Variants in DIP2C observed in about 807,000 individuals in gnomAD.
DIP2C encodes disco-interacting protein 2 homolog C.
Under a neutral mutation model 192.4 loss-of-function variants are expected in DIP2C, and 33 were observed. The ratio of observed to expected loss-of-function variants is 0.17; its 90% CI spans 0.13 to 0.23. The LOEUF is 0.23. Ranked by LOEUF, DIP2C falls within the 10% of genes least tolerant of loss-of-function variation. DIP2C has a pLI of 1.00. For synonymous variants in DIP2C, 979 were observed against 864.1 expected (o/e 1.13, Z -2.33); for missense variants, 1,537 against 2,110.1 (o/e 0.73, Z 5.32).
chr10:612,071 G>C (rs766573836), intron 1 of DIP2C, among the ~76,000 whole-genome samples: 1 of 152,090 alleles, frequency 6.6e-6, no homozygotes, highest in Non-Finnish European at 1.5e-5. Flanking sequence ...CAAGGTGAGC[G>C]CATCACCTGA....
At chr10:660,418 G>T (rs1236783438) in intron 1 of DIP2C, among the ~76,000 whole-genome samples, 2 of 151,850 alleles carry the variant, frequency 1.3e-5, no homozygotes, top group Non-Finnish European at 2.9e-5. Flanking sequence ...TTCAAGCTCT[G>T]TGTATGAAAT....
At chr10:314,361 C>T (rs1956686304) in intron 31 of DIP2C, among the ~76,000 whole-genome samples, 1 of 152,182 alleles carries the variant, frequency 6.6e-6, no homozygotes, top group Non-Finnish European at 1.5e-5. Flanking sequence ...TTCTAGCCAC[C>T]CTGGCCTCTT....
intron 1 of DIP2C, among the ~76,000 whole-genome samples, chr10:579,645 A>C (rs1008093707): frequency 2.0e-5 from 3 of 152,110 alleles, no homozygotes; most frequent in African/African-American, 4.8e-5. Context: ...ACATGCATAG[A>C]GCAAACATCC....
chr10:455,083 G>A (rs568758986), intron 3 of DIP2C, among the ~76,000 whole-genome samples: 2 of 152,338 alleles, frequency 1.3e-5, no homozygotes, highest in South Asian at 4.1e-4. Flanking sequence ...GTCAACAGAA[G>A]AGAATGTTCC....
At chr10:360,674 T>C (rs1564613749) in intron 22 of DIP2C, among the ~76,000 whole-genome samples, 1 of 152,194 alleles carries the variant, frequency 6.6e-6, no homozygotes. Context: ...AGCTGTGGAA[T>C]TGTACCTTGT....
intron 1 of DIP2C, among the ~76,000 whole-genome samples, chr10:661,765 AC>A (rs978425044): frequency 5.1e-4 from 78 of 151,982 alleles, no homozygotes; most frequent in African/African-American, 1.8e-3. Flanking sequence ...TCCCAAATCC[AC>A]CCTGGTCCGG....
At chr10:508,350 C>T (rs1845774903) in intron 1 of DIP2C, among the ~76,000 whole-genome samples, 2 of 152,210 alleles carry the variant, frequency 1.3e-5, no homozygotes, top group Non-Finnish European at 2.9e-5. Flanking sequence ...GGCCCTCAGC[C>T]CCTCCATGTG....
chr10:545,898 G>C (rs1848261603), intron 1 of DIP2C, among the ~76,000 whole-genome samples: 1 of 152,142 alleles, frequency 6.6e-6, no homozygotes, highest in South Asian at 2.1e-4. Context: ...GAAGAATCAT[G>C]GACAATTTGT....
At chr10:476,705 A>G (rs144454752) in intron 2 of DIP2C, among the ~76,000 whole-genome samples, 1 of 152,270 alleles carries the variant, frequency 6.6e-6, no homozygotes, top group East Asian at 1.9e-4. Flanking sequence ...TTCTCCTGGT[A>G]CCTGCAGTGG....
intron 1 of DIP2C, among the ~76,000 whole-genome samples, chr10:557,324 G>T (rs868433182): frequency 6.6e-6 from 1 of 152,124 alleles, no homozygotes; most frequent in African/African-American, 2.4e-5. Flanking sequence ...GACTCAGGGG[G>T]ACAGGGCCAG....
intron 32 of DIP2C, among the ~76,000 whole-genome samples, chr10:304,700 CA>C (rs1956223296): frequency 1.1e-4 from 1 of 9,414 alleles, no homozygotes; most frequent in Admixed American, 2.0e-3. Flanking sequence ...CACACACTAG[CA>C]CAAACTCATC....
At chr10:562,886 T>C (rs1377729875) in intron 1 of DIP2C, among the ~76,000 whole-genome samples, 1 of 152,184 alleles carries the variant, frequency 6.6e-6, no homozygotes, top group Non-Finnish European at 1.5e-5. Context: ...TGAGTGCCCC[T>C]AAAAATACAC....
chr10:388,983 G>A (rs1254932782), intron 13 of DIP2C, among the ~76,000 whole-genome samples: 2 of 151,474 alleles, frequency 1.3e-5, no homozygotes, highest in African/African-American at 2.4e-5. Context: ...AGGGGCCTCG[G>A]GGCATCCCAA....
In DIP2C at chr10:341,261, T is replaced by C. The variant is rs1273081334; in HGVS notation, c.3522A>G (p.Arg1174=). The part of the protein sequence containing the change: ...IKLQCELYPS[R]EVAICLDPYC... ...AAGGGTCCAGGCAGATGGCCACTTC[T>C]CTAGAGGGGTAAAGTTCACACTGCA... Residue 1174 remains arginine, a synonymous_variant, in exon 29 of 37, where the codon AGA becomes AGG. Coordinates refer to ENST00000280886, the MANE Select transcript of DIP2C (RefSeq NM_014974.3). 3.7e-6 allele frequency: 6 copies of C among 1,614,152 alleles called. No individual in the cohort carries two copies. Among genetic ancestry groups the C allele is most frequent in the Non-Finnish European group, 5.1e-6 (6 of 1,180,036 alleles).
intron 2 of DIP2C, among the ~76,000 whole-genome samples, chr10:482,941 A>G (rs2133531655): frequency 6.6e-6 from 1 of 152,352 alleles, no homozygotes; most frequent in Middle Eastern, 3.4e-3. Flanking sequence ...ATGATCTTCC[A>G]GGCACCCTCT....
chr10:635,408 G>A (rs903072050), intron 1 of DIP2C, among the ~76,000 whole-genome samples: 2 of 152,234 alleles, frequency 1.3e-5, no homozygotes, highest in African/African-American at 2.4e-5. Flanking sequence ...ATGGATAGAC[G>A]TCCTGGACAG....
At chr10:392,977 G>A (rs530850471) in intron 10 of DIP2C, among the ~76,000 whole-genome samples, 6 of 152,286 alleles carry the variant, frequency 3.9e-5, no homozygotes, top group African/African-American at 1.2e-4. Flanking sequence ...AAAGGGCTGC[G>A]GGTCCTCAGT....
intron 1 of DIP2C, among the ~76,000 whole-genome samples, chr10:559,130 T>C (rs1043191499): frequency 6.6e-6 from 1 of 152,248 alleles, no homozygotes; most frequent in Non-Finnish European, 1.5e-5. Flanking sequence ...ACTAGAATTA[T>C]GAGCTTGGGG....
At chr10:331,315 A>C (rs555348340) in intron 29 of DIP2C, among the ~76,000 whole-genome samples, 5 of 152,218 alleles carry the variant, frequency 3.3e-5, no homozygotes, top group Admixed American at 3.3e-4. Context: ...CGGGACCCTT[A>C]GTATGAAAAA....
Sources: allele counts gnomAD v4.1 joint callset (sites outside exome capture counted in the v4.1 genomes callset), GRCh38; gene constraint gnomAD v4.1.1; transcripts MANE v1.5; gene names NCBI Gene and HGNC (gene_info 2026-07-23, HGNC 2026-07-21).